Variants in CD22 observed in about 807,000 individuals in gnomAD.
The protein encoded by CD22 is CD22 molecule.
In CD22, 51 loss-of-function variants were observed where a neutral mutation model predicts 94.7. That is an observed-to-expected ratio of 0.54 (90% CI 0.43 to 0.68). The LOEUF is 0.68. CD22 is among the 30% of genes least tolerant of loss of function. The pLI, the probability that CD22 is intolerant of heterozygous loss-of-function variation, is 0.00. For synonymous variants in CD22, 424 were observed against 422.5 expected (o/e 1.00, Z -0.04); for missense variants, 931 against 1,060.4 (o/e 0.88, Z 1.69).
chr19:35,345,787 G>A, intron 12 of CD22, 67 bp downstream of exon 12: 4 of 1,121,132 alleles, frequency 3.6e-6, no homozygotes, highest in South Asian at 1.3e-5. Flanking sequence ...GCTCTGTCCC[G>A]CCTGCCCTCT....
At chr19:35,338,786 C>T (rs1412292625) in intron 6 of CD22, among the ~76,000 whole-genome samples, 3 of 152,052 alleles carry the variant, frequency 2.0e-5, no homozygotes, top group Non-Finnish European at 4.4e-5. Context: ...CCCGCCACCA[C>T]GCCCGGCTAA....
intron 2 of CD22, 49 bp from the exon 3 acceptor site, chr19:35,332,498 A>G: frequency 6.7e-7 from 1 of 1,501,280 alleles, no homozygotes. Flanking sequence ...AACTTTTAAA[A>G]GAAGGCTCTC....
intron 2 of CD22, 112 bp downstream of exon 2, chr19:35,332,186 G>C: frequency 8.7e-7 from 1 of 1,152,984 alleles, no homozygotes; most frequent in Admixed American, 1.8e-5. Context: ...TGGGGGCAGC[G>C]GTGTGTATAG....
In CD22 at chr19:35,346,804, A is replaced by G. The variant is rs969421174; in HGVS notation, c.*107A>G. 590 of 861,216 alleles carry G rather than the reference A, an allele frequency of 6.9e-4. No homozygotes were observed. The highest frequency in any genetic ancestry group is 8.7e-4 in the Non-Finnish European group (500 of 571,926). The allele number at this position is 861,216 out of a possible 1,614,324, so 53.3% of individuals were successfully genotyped here. A position where few individuals can be genotyped will look rare whatever the true frequency, so the allele number is the denominator to read the frequency against. On this transcript the variant is annotated 3_prime_UTR_variant, in exon 14 of 14. Transcript: ENST00000085219. ...CTTCCTCCTGCGCGCATGTGCGCAC[A>G]CACACACACACACGCACACACACAC...
intron 11 of CD22, 166 bp downstream of exon 11, chr19:35,345,292 A>C: frequency 1.6e-6 from 1 of 626,018 alleles, no homozygotes; most frequent in Non-Finnish European, 2.8e-6. Flanking sequence ...GTGATGGTCC[A>C]TGCCTGTAAT....
At chr19:35,344,608 T>G (rs1413443228) in intron 9 of CD22, 1 of 535,656 alleles carries the variant, frequency 1.9e-6, no homozygotes, top group Non-Finnish European at 3.3e-6. Flanking sequence ...GTGCCACGTC[T>G]GTGGGAAAAG....
chr19:35,345,286 T>G, intron 11 of CD22, 160 bp downstream of exon 11: 1 of 647,978 alleles, frequency 1.5e-6, no homozygotes, highest in East Asian at 2.8e-5. Context: ...CCGGGCGTGA[T>G]GGTCCATGCC....
At chr19:35,343,832 T>C (rs1339068679) in intron 9 of CD22, among the ~76,000 whole-genome samples, 1 of 152,236 alleles carries the variant, frequency 6.6e-6, no homozygotes, top group Admixed American at 6.5e-5. Flanking sequence ...TAATTTATTG[T>C]ACTTTTTCAG....
chr19:35,346,104 C>T (rs775134928), intron 12 of CD22, 47 bp from the exon 13 acceptor site: 40 of 1,425,828 alleles, frequency 2.8e-5, no homozygotes, highest in South Asian at 4.6e-5. Context: ...GAGGAGAGTT[C>T]GTGGGAGATG....
intron 11 of CD22, 200 bp downstream of exon 11, chr19:35,345,326 C>T (rs1884895350): frequency 1.7e-6 from 1 of 580,302 alleles, no homozygotes; most frequent in Non-Finnish European, 3.0e-6. Flanking sequence ...GAGGCTGAGG[C>T]AGGAGAATCG....
chr19:35,338,430 G>A lies in CD22; in HGVS notation c.1248G>A (p.Gln416=). 7 of 1,611,634 alleles carry A rather than the reference G, an allele frequency of 4.3e-6. No homozygotes were observed. The highest frequency in any genetic ancestry group is 1.1e-5 in the South Asian group (1 of 90,838). ...GCCCGGGAGCTGAGCTGGATGTCCA[G>A]TGTGAGTAGCCACGGAGCCTCTGGT... The part of the protein sequence containing the change: ...QRGPGAELDV[Q]YPPKKVTTVI... The change falls in exon 6 of 14, where the codon CAG becomes CAA. Residue 416 remains glutamine, a splice_region_variant and synonymous_variant. Transcript: ENST00000085219.
At chr19:35,342,062 C>T (rs1369639144) in intron 9 of CD22, 97 bp downstream of exon 9, 3 of 1,122,598 alleles carry the variant, frequency 2.7e-6, no homozygotes, top group Admixed American at 2.4e-5. Context: ...TCCTTTCTTT[C>T]TCTCTTTCTT....
chr19:35,342,754 C>A (rs1196364545), intron 9 of CD22, among the ~76,000 whole-genome samples: 1 of 152,186 alleles, frequency 6.6e-6, no homozygotes, highest in Non-Finnish European at 1.5e-5. Context: ...GTCTCTCTCT[C>A]TCTGACTACT....
In CD22 at chr19:35,341,298, A is replaced by G; in HGVS notation, c.1508-45A>G. On this transcript the variant is annotated intron_variant, in intron 7 of 13. Transcript: ENST00000085219. The surrounding 1 kb of genome is among the most constrained non-coding windows in gnomAD (Gnocchi z 4.0). ...GGAGGGGAGGCCTGGGGACAGCAAA[A>G]GGGACAGGGAGCGGAGAGGTCAGCT... is the stretch of plus-strand genomic sequence containing the variant. 1 of 1,601,762 alleles carries G rather than the reference A, an allele frequency of 6.2e-7. No homozygotes were observed. The highest frequency in any genetic ancestry group is 1.7e-5 in the Admixed American group (1 of 58,770).
At position 35,340,862 on chromosome 19, in the gene CD22, C is replaced by T. The variant is rs765231505; in HGVS notation, c.1250-19C>T. ...GGACAGCTGGCTTTTCTTTACTCAC[C>T]TCTCTGGTTTTCTTCCAGATCCTCC... On this transcript the variant is annotated intron_variant, in intron 6 of 13. Transcript: ENST00000085219. 1.9e-6 allele frequency: 3 copies of T among 1,613,940 alleles called. No homozygotes were observed. Among genetic ancestry groups the T allele is most frequent in the Non-Finnish European group, 2.5e-6 (3 of 1,179,882 alleles).
At chr19:35,333,079 A>T in intron 3 of CD22, 155 bp downstream of exon 3, 1 of 713,404 alleles carries the variant, frequency 1.4e-6, no homozygotes, top group Non-Finnish European at 2.2e-6. Flanking sequence ...GCAGCACTAG[A>T]CAGAGCTGCG....
chr19:35,342,865 C>T (rs563876164), intron 9 of CD22, among the ~76,000 whole-genome samples: 1 of 152,270 alleles, frequency 6.6e-6, no homozygotes, highest in South Asian at 2.1e-4. Flanking sequence ...GGCTGGAGTG[C>T]AGTGGCGTGA....
chr19:35,346,552 T>C lies in CD22; in HGVS notation c.2413-14T>C. On this transcript the variant is annotated splice_polypyrimidine_tract_variant and intron_variant, in intron 13 of 13. Coordinates refer to ENST00000085219, the MANE Select transcript of CD22 (RefSeq NM_001771.4). ...GACAGTGGGGCCAGGCTAACCACCA[T>C]GCGGTTTTCTCAGGGCGACTATGAG... The C allele has an allele frequency of 6.3e-7, 1 of 1,593,414 alleles. No individual in the cohort carries two copies. Among genetic ancestry groups the C allele is most frequent in the Non-Finnish European group, 8.6e-7 (1 of 1,168,356 alleles).
At chr19:35,343,183 C>T (rs1447083054) in intron 9 of CD22, among the ~76,000 whole-genome samples, 2 of 151,576 alleles carry the variant, frequency 1.3e-5, no homozygotes, top group Non-Finnish European at 2.9e-5. Flanking sequence ...CCTGCAGCCT[C>T]GACCCCCTAG....
Sources: gnomAD v4.1 joint callset for allele counts (sites outside exome capture counted in the v4.1 genomes callset) on GRCh38, gnomAD v4.1.1 for gene constraint, Gnocchi (gnomAD v3.1) non-coding constraint, MANE v1.5 for transcripts, NCBI Gene and HGNC (gene_info 2026-07-23, HGNC 2026-07-21) for gene names.